The following PCDHGB6 variants were observed in gnomAD, a reference collection of about 807,000 sequenced individuals.
PCDHGB6 encodes protocadherin gamma subfamily B, 6, also known as protocadherin gamma-B6.
PCDHGB6 carries 51 observed loss-of-function variants against 59.1 expected under a neutral mutation model. That is an observed-to-expected ratio of 0.86 (90% CI 0.69 to 1.09). PCDHGB6 has a LOEUF of 1.09. Ranked by LOEUF, PCDHGB6 falls within the 50% of genes least tolerant of loss-of-function variation. The pLI, the probability that PCDHGB6 is intolerant of heterozygous loss-of-function variation, is 0.00. For missense variants in PCDHGB6, 1,148 were observed against 1,205.1 expected (o/e 0.95, Z 0.70); for synonymous variants, 466 against 495.1 (o/e 0.94, Z 0.78).
rs903741318 is a variant in PCDHGB6, at chr5:141,454,939, C to G, written c.2419-39868C>G. On this transcript the variant is annotated intron_variant, in intron 1 of 3. Coordinates refer to ENST00000520790, the MANE Select transcript of PCDHGB6 (RefSeq NM_018926.3). ...TCTCCTGCCTCAGCCTCCCGAGTAG[C>G]TGGGACTACAGGCGCCGGCCACCAC... 6.0e-5 allele frequency among the ~76,000 whole-genome samples: 9 copies of G among 150,982 alleles called. No homozygotes were observed. The East Asian group carries it at 1.8e-3, about 30-fold the overall frequency.
At position 141,432,807 on chromosome 5, in the gene PCDHGB6, ACT is replaced by A. The variant is rs542925824; in HGVS notation, c.2418+22190_2418+22191del. On this transcript the variant is annotated intron_variant, in intron 1 of 3. Coordinates refer to ENST00000520790, the MANE Select transcript of PCDHGB6 (RefSeq NM_018926.3). This position sits in a 1 kb window ranked among gnomAD's most constrained non-coding sequence, Gnocchi z 6.0. ...CTCGGCAGCCTCGAGTCTCCAGCTA[ACT>A]CTGAAACCTCAGACCTCACTCTGTA... 352 of 1,613,946 alleles carry A rather than the reference ACT, an allele frequency of 2.2e-4. 2 individuals carry two copies. The African/African-American group carries it at 4.2e-3, about 19-fold the overall frequency.
intron 1 of PCDHGB6, among the ~76,000 whole-genome samples, chr5:141,460,804 T>C (rs2098998238): frequency 1.3e-5 from 2 of 152,020 alleles, no homozygotes; most frequent in African/African-American, 4.8e-5. Flanking sequence ...AGTATATATA[T>C]GTATGTATAC....
Position 141,490,867 on chromosome 5 carries a change from C to G in PCDHGB6, c.2419-3940C>G. ...GGGGGTTCGAGACTCCGGCTCTCCC[C>G]CATTGCATGCCAACACATCTCTGCA... On this transcript the variant is annotated intron_variant, in intron 1 of 3. Coordinates refer to ENST00000520790, the MANE Select transcript of PCDHGB6 (RefSeq NM_018926.3). This position sits in a 1 kb window ranked among gnomAD's most constrained non-coding sequence, Gnocchi z 5.4. 6.2e-7 allele frequency: 1 copy of G among 1,613,912 alleles called. No individual in the cohort carries two copies. The highest frequency in any genetic ancestry group is 8.5e-7 in the Non-Finnish European group (1 of 1,179,936).
intron 1 of PCDHGB6, among the ~76,000 whole-genome samples, chr5:141,448,838 T>C (rs2098609981): frequency 6.6e-6 from 1 of 151,802 alleles, no homozygotes; most frequent in Non-Finnish European, 1.5e-5. Flanking sequence ...CCAGCTACTC[T>C]GGAGGCTGAG....
In PCDHGB6 at chr5:141,423,081, C is replaced by T. The variant is rs1393904828; in HGVS notation, c.2418+12461C>T. 3.1e-6 allele frequency: 5 copies of T among 1,613,966 alleles called. No individual in the cohort carries two copies. The African/African-American group carries it at 4.0e-5, about 13-fold the overall frequency. ...TTAAGGCCAGCGAGCCGGGACTCTT[C>T]GCGGTGGGGGAGCACACGGGCGAGG... is the stretch of plus-strand genomic sequence containing the variant. On this transcript the variant is annotated intron_variant, in intron 1 of 3. Coordinates refer to ENST00000520790, the MANE Select transcript of PCDHGB6 (RefSeq NM_018926.3).
chr5:141,418,938 C>G, intron 1 of PCDHGB6: 1 of 1,613,738 alleles, frequency 6.2e-7, no homozygotes, highest in Non-Finnish European at 8.5e-7. Flanking sequence ...ATGGAGGATT[C>G]CCCTCCAGGA....
At chr5:141,423,256 G>C (rs751894091) in intron 1 of PCDHGB6, 1 of 1,613,934 alleles carries the variant, frequency 6.2e-7, no homozygotes. Flanking sequence ...GGCGGACCTC[G>C]GCAGCCTCGA....
chr5:141,501,715 C>G lies in PCDHGB6; in HGVS notation c.2478-3678C>G, dbSNP rs139761188. On this transcript the variant is annotated intron_variant, in intron 2 of 3. Coordinates refer to ENST00000520790, the MANE Select transcript of PCDHGB6 (RefSeq NM_018926.3). ...AGGGTGATTCCGAGGATAAAAAAGA[C>G]AAATATATTACCCAGTCAGCTTAGA... 1.3e-3 allele frequency among the ~76,000 whole-genome samples: 192 copies of G among 152,192 alleles called. 1 individual carries two copies. The highest frequency in any genetic ancestry group is 4.5e-3 in the African/African-American group (185 of 41,512).
At chr5:141,439,506 C>G (rs2098117403) in intron 1 of PCDHGB6, among the ~76,000 whole-genome samples, 1 of 152,234 alleles carries the variant, frequency 6.6e-6, no homozygotes, top group Non-Finnish European at 1.5e-5. Flanking sequence ...GTCTTTCTCT[C>G]TGCTCTCAAC....
chr5:141,499,751 A>G (rs1355923543), intron 2 of PCDHGB6, among the ~76,000 whole-genome samples: 2 of 149,258 alleles, frequency 1.3e-5, no homozygotes, highest in Non-Finnish European at 3.0e-5. Flanking sequence ...CTGTGGCACA[A>G]TCTCAGCTCA....
rs1328476453 is a variant in PCDHGB6, at chr5:141,431,444, C to T, written c.2418+20824C>T. 4.3e-6 allele frequency: 7 copies of T among 1,613,732 alleles called. No homozygotes were observed. The highest frequency in any genetic ancestry group is 5.9e-6 in the Non-Finnish European group (7 of 1,180,022). On this transcript the variant is annotated intron_variant, in intron 1 of 3. Transcript: ENST00000520790. The surrounding 1 kb of genome is among the most constrained non-coding windows in gnomAD (Gnocchi z 4.8). ...GGTGCGCACAGGCACCGCGCGCATCCGCGTGATGGTTCTGGATGCGAACGA... is the reference window on the plus strand; with the variant it reads ...GGTGCGCACAGGCACCGCGCGCATCTGCGTGATGGTTCTGGATGCGAACGA...
intron 1 of PCDHGB6, among the ~76,000 whole-genome samples, chr5:141,444,862 A>G (rs781224880): frequency 1.8e-4 from 28 of 152,198 alleles, no homozygotes; most frequent in Non-Finnish European, 2.9e-4. Flanking sequence ...AAGTCTTACT[A>G]CAGGACAAAG....
Position 141,415,037 on chromosome 5 carries a change from T to G in PCDHGB6, c.2418+4417T>G, listed in dbSNP as rs775779136. The G allele has an allele frequency of 5.0e-6, 8 of 1,613,384 alleles. No homozygotes were observed. In the Admixed American group the frequency reaches 8.3e-5, roughly 17 times the overall value. ...CTCAAGGCCAGCGAGCCGGGACTCT[T>G]CGCGGTGGGGGAGCACACGGGCGAG... is the stretch of plus-strand genomic sequence containing the variant. On this transcript the variant is annotated intron_variant, in intron 1 of 3. Coordinates refer to ENST00000520790, the MANE Select transcript of PCDHGB6 (RefSeq NM_018926.3).
intron 1 of PCDHGB6, among the ~76,000 whole-genome samples, chr5:141,474,404 G>A (rs1014003488): frequency 4.6e-5 from 7 of 152,156 alleles, no homozygotes; most frequent in East Asian, 1.9e-4. Context: ...CAAGCTCCCC[G>A]GTGATGCCTA....
chr5:141,490,196 A>G lies in PCDHGB6; in HGVS notation c.2419-4611A>G, dbSNP rs748858034. On this transcript the variant is annotated intron_variant, in intron 1 of 3. Coordinates refer to ENST00000520790, the MANE Select transcript of PCDHGB6 (RefSeq NM_018926.3). The surrounding 1 kb of genome is among the most constrained non-coding windows in gnomAD (Gnocchi z 5.4). ...GAGGAGTCACGTTTCTATGAAATTCATGCAAGAGCCCGTGACCAGGGACAG... is the reference window on the plus strand; with the variant it reads ...GAGGAGTCACGTTTCTATGAAATTCGTGCAAGAGCCCGTGACCAGGGACAG... The G allele has an allele frequency of 3.7e-6, 6 of 1,614,196 alleles. No individual in the cohort carries two copies. The highest frequency in any genetic ancestry group is 4.2e-6 in the Non-Finnish European group (5 of 1,180,020).
At chr5:141,422,716 G>T (rs1348237465) in intron 1 of PCDHGB6, 1 of 1,604,378 alleles carries the variant, frequency 6.2e-7, no homozygotes, top group African/African-American at 1.3e-5. Context: ...GGATGACACT[G>T]TCCAGGGGGT....
chr5:141,498,971 G>GGGAAGGAAGGAAGGAAGGAAGGAA (rs201769957), intron 2 of PCDHGB6, among the ~76,000 whole-genome samples: 2 of 110,972 alleles, frequency 1.8e-5, no homozygotes, highest in African/African-American at 3.6e-5. Context: ...GAGGGAGGGA[G>GGGAAGGAAGGAAGGAAGGAAGGAA]GGAAGGAAGG....
In PCDHGB6 at chr5:141,477,157, CA is replaced by C. The variant is rs1240879989; in HGVS notation, c.2419-17648del. 2.5e-6 allele frequency: 4 copies of C among 1,614,064 alleles called. No homozygotes were observed. Among genetic ancestry groups the C allele is most frequent in the Non-Finnish European group, 3.4e-6 (4 of 1,180,046 alleles). ...TGGTGGAGGTTGTGGATGTGAATGACAACGCCCCGGAGATCACAGTCACCTC... is the reference window on the plus strand; with the variant it reads ...TGGTGGAGGTTGTGGATGTGAATGACACGCCCCGGAGATCACAGTCACCTC... On this transcript the variant is annotated intron_variant, in intron 1 of 3. Coordinates refer to ENST00000520790, the MANE Select transcript of PCDHGB6 (RefSeq NM_018926.3). This position sits in a 1 kb window ranked among gnomAD's most constrained non-coding sequence, Gnocchi z 4.9.
At chr5:141,467,987 A>G (rs888811899) in intron 1 of PCDHGB6, among the ~76,000 whole-genome samples, 10 of 152,216 alleles carry the variant, frequency 6.6e-5, no homozygotes, top group Non-Finnish European at 8.8e-5. Flanking sequence ...TCAGAAAACC[A>G]CAATTCTTTC....
Sources: gnomAD v4.1 joint callset for allele counts (sites outside exome capture counted in the v4.1 genomes callset) on GRCh38, gnomAD v4.1.1 for gene constraint, Gnocchi (gnomAD v3.1) non-coding constraint, MANE v1.5 for transcripts, NCBI Gene and HGNC (gene_info 2026-07-23, HGNC 2026-07-21) for gene names.